The following HTR2C variants were observed in gnomAD, a reference collection of about 807,000 sequenced individuals.
HTR2C encodes the protein 5-hydroxytryptamine receptor 2C, also known as 5-hydroxytryptamine (serotonin) receptor 2C, G protein-coupled.
HTR2C carries 5 observed loss-of-function variants against 21.0 expected under a neutral mutation model. The observed-to-expected ratio is 0.24, with a 90% CI of 0.12 to 0.50. HTR2C has a LOEUF of 0.50. Among genes scored for constraint, HTR2C ranks in the 20% least tolerant of loss-of-function variants. HTR2C has a pLI of 0.98. For missense variants in HTR2C, 271 were observed against 371.2 expected (o/e 0.73, Z 2.22); for synonymous variants, 150 against 145.3 (o/e 1.03, Z -0.23).
chrX:114,845,872 G>T (rs1255356726), intron 4 of HTR2C, among the ~76,000 whole-genome samples: 1 of 109,425 alleles, frequency 9.1e-6, no homozygotes, highest in Non-Finnish European at 1.9e-5. Context: ...AATTAGACAG[G>T]TATGGTGCCA....
chrX:114,699,980 A>T (rs5988085), intron 2 of HTR2C, among the ~76,000 whole-genome samples: 1 of 110,709 alleles, frequency 9.0e-6, no homozygotes, highest in Non-Finnish European at 1.9e-5. Flanking sequence ...TTTGGCAAGG[A>T]TGGCATTAGT....
chrX:114,717,980 G>C (rs1556420017), intron 2 of HTR2C, among the ~76,000 whole-genome samples: 1 of 111,274 alleles, frequency 9.0e-6, no homozygotes, highest in Non-Finnish European at 1.9e-5. Context: ...AAAAAGCCTT[G>C]TTCGTGCCAG....
At chrX:114,848,519 CAT>C (rs1156629321) in intron 5 of HTR2C, among the ~76,000 whole-genome samples, 2 of 111,460 alleles carry the variant, frequency 1.8e-5, no homozygotes, top group South Asian at 3.7e-4. Flanking sequence ...ATGAGAAAGA[CAT>C]AAAGTCTAAT....
chrX:114,878,047 T>C (rs781955665), intron 5 of HTR2C, among the ~76,000 whole-genome samples: 18 of 110,797 alleles, frequency 1.6e-4, no homozygotes, highest in African/African-American at 5.9e-4. Context: ...CTGTTGAAAG[T>C]AGGGTGCTGA....
At chrX:114,735,514 T>C (rs782164983) in intron 4 of HTR2C, among the ~76,000 whole-genome samples, 2 of 110,803 alleles carry the variant, frequency 1.8e-5, no homozygotes, top group East Asian at 5.7e-4. Flanking sequence ...ATATAATATA[T>C]ATTATGTTTT....
intron 2 of HTR2C, among the ~76,000 whole-genome samples, chrX:114,704,005 C>T (rs1932667296): frequency 9.1e-6 from 1 of 110,068 alleles, no homozygotes; most frequent in Non-Finnish European, 1.9e-5. Flanking sequence ...CAAGAATAAA[C>T]CAGGAAGAAA....
chrX:114,721,993 C>T (rs369223947), intron 2 of HTR2C, among the ~76,000 whole-genome samples: 42 of 108,530 alleles, frequency 3.9e-4, no homozygotes, highest in Admixed American at 9.9e-4. Context: ...ATTGACTTGG[C>T]GATGCAGGCT....
At chrX:114,819,605 G>A (rs1376305559) in intron 4 of HTR2C, among the ~76,000 whole-genome samples, 4 of 112,194 alleles carry the variant, frequency 3.6e-5, no homozygotes, top group African/African-American at 1.3e-4. Context: ...TATATCAAAA[G>A]GTCTTTTCAG....
At chrX:114,644,362 A>AATAAATAT (rs1411395120) in intron 2 of HTR2C, among the ~76,000 whole-genome samples, 93 of 38,182 alleles carry the variant, frequency 2.4e-3, no homozygotes, top group Non-Finnish European at 3.1e-3. Context: ...TAAATAAATA[A>AATAAATAT]ATATATATAT....
chrX:114,718,305 TTCTG>T (rs1345561161), intron 2 of HTR2C, among the ~76,000 whole-genome samples: 1 of 112,450 alleles, frequency 8.9e-6, no homozygotes, highest in African/African-American at 3.2e-5. Flanking sequence ...TTTTAAGTAT[TTCTG>T]TGAGTGATAC....
intron 2 of HTR2C, among the ~76,000 whole-genome samples, chrX:114,714,396 T>C (rs1242667943): frequency 8.9e-6 from 1 of 111,890 alleles, no homozygotes; most frequent in Non-Finnish European, 1.9e-5. Context: ...AACAATTTTG[T>C]TTAAAATTTT....
At chrX:114,861,415 T>C (rs2071005255) in intron 5 of HTR2C, among the ~76,000 whole-genome samples, 1 of 111,692 alleles carries the variant, frequency 9.0e-6, no homozygotes, top group East Asian at 2.8e-4. Flanking sequence ...GCTTATTTAT[T>C]TATTCATTCA....
chrX:114,864,318 T>C (rs991667344), intron 5 of HTR2C, among the ~76,000 whole-genome samples: 1 of 111,491 alleles, frequency 9.0e-6, no homozygotes, highest in Non-Finnish European at 1.9e-5. Context: ...ATTTTTGTTT[T>C]GTGGCTACCG....
intron 1 of HTR2C, among the ~76,000 whole-genome samples, chrX:114,612,691 T>C (rs1928785886): frequency 8.9e-6 from 1 of 111,838 alleles, no homozygotes; most frequent in Non-Finnish European, 1.9e-5. Context: ...ATTTTGCTGA[T>C]TCATTTAGAA....
chrX:114,876,072 C>A (rs11167445), intron 5 of HTR2C, among the ~76,000 whole-genome samples: 1 of 108,807 alleles, frequency 9.2e-6, no homozygotes, highest in Non-Finnish European at 1.9e-5. Context: ...ATTTGTGACT[C>A]CAATGTCTTT....
intron 4 of HTR2C, among the ~76,000 whole-genome samples, chrX:114,805,615 C>CAT (rs1157675341): frequency 0.11 from 875 of 7,838 alleles, 256 homozygotes; most frequent in African/African-American, 0.31. Flanking sequence ...ATATACACAT[C>CAT]ATATATATAC....
rs782015326 is a variant in HTR2C, at chrX:114,690,445, T to A, written c.-79-36413T>A. Among the ~76,000 whole-genome samples the A allele has an allele frequency of 2.7e-5, 3 of 112,200 alleles. No individual in the cohort carries two copies. The South Asian group carries it at 1.1e-3, about 41-fold the overall frequency. ...TTTTGATATTTGACTGTTTTTCATC[T>A]GCCTCTATACCCTTCAAGATGTTTC... On this transcript the variant is annotated intron_variant, in intron 2 of 5. Transcript: ENST00000276198.
At chrX:114,657,543 C>T (rs1311889627) in intron 2 of HTR2C, among the ~76,000 whole-genome samples, 6 of 110,776 alleles carry the variant, frequency 5.4e-5, no homozygotes, top group South Asian at 3.7e-4. Context: ...AAGAAGTAAC[C>T]GATTGCAATG....
chrX:114,758,609 T>C (rs1556431196), intron 4 of HTR2C, among the ~76,000 whole-genome samples: 1 of 111,599 alleles, frequency 9.0e-6, no homozygotes, highest in Non-Finnish European at 1.9e-5. Context: ...CAAAAATATA[T>C]GGTTTTTTCT....
Sources: gnomAD v4.1 joint callset for allele counts (sites outside exome capture counted in the v4.1 genomes callset) on GRCh38, gnomAD v4.1.1 for gene constraint, MANE v1.5 for transcripts, NCBI Gene and HGNC (gene_info 2026-07-23, HGNC 2026-07-21) for gene names.